The following WDR93 variants were observed in gnomAD, a reference collection of about 807,000 sequenced individuals.
WDR93 encodes the protein WD repeat-containing protein 93.
Under a neutral mutation model 82.9 loss-of-function variants are expected in WDR93, and 73 were observed. The ratio of observed to expected loss-of-function variants is 0.88; its 90% CI spans 0.73 to 1.07. The LOEUF (loss-of-function observed/expected upper bound fraction) is 1.07, where lower values mean the gene tolerates loss of function less well. Among genes scored for constraint, WDR93 ranks in the 50% least tolerant of loss-of-function variants. The probability of loss-of-function intolerance (pLI) is 0.00; values close to 1 mark genes in which losing one functional copy is unlikely to be tolerated. For synonymous variants in WDR93, 283 were observed against 300.1 expected, an observed-to-expected ratio of 0.94 and a Z score of 0.59; for missense variants, 738 against 826.0, an observed-to-expected ratio of 0.89 and a Z score of 1.31.
At position 89,710,029 on chromosome 15, in the gene WDR93, A is replaced by G. The variant is rs539924860; in HGVS notation, c.562-1997A>G. On this transcript the variant is annotated intron_variant, in intron 4 of 16. Coordinates refer to ENST00000268130, the MANE Select transcript of WDR93 (RefSeq NM_020212.2). ...CAAAAAATTAGCCGGGTGTGCTGGC[A>G]CGCGCCTGTAGTCCCAGCTACTTGG... 1.3e-4 allele frequency among the ~76,000 whole-genome samples: 20 copies of G among 152,078 alleles called. No homozygotes were observed. The South Asian group carries it at 1.9e-3, about 14-fold the overall frequency.
chr15:89,696,722 G>A (rs1014770599), intron 1 of WDR93, among the ~76,000 whole-genome samples: 3 of 152,064 alleles, frequency 2.0e-5, no homozygotes, highest in Admixed American at 1.3e-4. Flanking sequence ...CTTGAACTCC[G>A]GGGCTCAAGC....
intron 1 of WDR93, among the ~76,000 whole-genome samples, chr15:89,695,357 G>C (rs1396569244): frequency 2.6e-5 from 4 of 152,054 alleles, no homozygotes; most frequent in African/African-American, 7.3e-5. Context: ...TTTTAGAGAG[G>C]GAGTTTCGCT....
chr15:89,715,583 T>TTTTTTG (rs1266224170), intron 6 of WDR93, among the ~76,000 whole-genome samples: 2 of 152,088 alleles, frequency 1.3e-5, no homozygotes, highest in African/African-American at 4.8e-5. Flanking sequence ...CTTGTGCTGT[T>TTTTTTG]TTTTTGTTTT....
chr15:89,719,689 A>G (rs1408941722), intron 7 of WDR93: 2 of 149,818 alleles, frequency 1.3e-5, no homozygotes, highest in Non-Finnish European at 3.0e-5. Flanking sequence ...ATTTTTCCCT[A>G]TTGTTTTTCT....
At chr15:89,728,583 G>A (rs1329866597) in intron 9 of WDR93, among the ~76,000 whole-genome samples, 2 of 152,168 alleles carry the variant, frequency 1.3e-5, no homozygotes, top group South Asian at 2.1e-4. Context: ...TCCATTGTGG[G>A]AGCATTGACA....
At chr15:89,698,823 T>G (rs2141587906) in intron 1 of WDR93, among the ~76,000 whole-genome samples, 1 of 152,278 alleles carries the variant, frequency 6.6e-6, no homozygotes, top group Middle Eastern at 3.4e-3. Context: ...TTAATTTGCC[T>G]AATGCATCCA....
At chr15:89,713,469 CATTTT>C (rs1966093058) in intron 5 of WDR93, among the ~76,000 whole-genome samples, 1 of 125,266 alleles carries the variant, frequency 8.0e-6, no homozygotes, top group Non-Finnish European at 1.7e-5. Flanking sequence ...GGAACATATG[CATTTT>C]ATTTTGTTTT....
At chr15:89,713,191 T>C (rs1055944327) in intron 5 of WDR93, among the ~76,000 whole-genome samples, 6 of 150,420 alleles carry the variant, frequency 4.0e-5, no homozygotes, top group African/African-American at 9.8e-5. Flanking sequence ...TTTTTGGACA[T>C]GTGTTAAAAC....
chr15:89,717,474 T>A (rs901818364), intron 7 of WDR93, among the ~76,000 whole-genome samples: 4 of 152,226 alleles, frequency 2.6e-5, no homozygotes, highest in African/African-American at 7.2e-5. Flanking sequence ...TCATATCCAT[T>A]GAAGATGACC....
rs867145573 is a variant in WDR93, at chr15:89,735,513, C to T, written c.1568C>T (p.Thr523Ile). Reference protein sequence around the residue: ...VERPVKHLDKTICAVAPVPAL... With the variant: ...VERPVKHLDKIICAVAPVPAL... Reference sequence around the variant, plus strand: ...AGGCCTGTAAAGCACCTGGATAAAACCATCTGTGCCGTGGCCCCAGTCCCA... The same window carrying T: ...AGGCCTGTAAAGCACCTGGATAAAATCATCTGTGCCGTGGCCCCAGTCCCA... Residue 523 changes from threonine to isoleucine, a missense_variant, in exon 14 of 17, where the codon ACC (threonine) becomes ATC (isoleucine). Coordinates refer to ENST00000268130, the MANE Select transcript of WDR93 (RefSeq NM_020212.2). 6.2e-7 allele frequency: 1 copy of T among 1,614,038 alleles called. No individual in the cohort carries two copies. The highest frequency in any genetic ancestry group is 2.2e-5 in the East Asian group (1 of 44,894).
At chr15:89,740,762 A>C (rs1237983016) in intron 16 of WDR93, among the ~76,000 whole-genome samples, 1 of 152,038 alleles carries the variant, frequency 6.6e-6, no homozygotes, top group Non-Finnish European at 1.5e-5. Context: ...TCGGCCTGCC[A>C]AAGTGGTGGG....
At chr15:89,707,304 G>C (rs1965764459) in intron 4 of WDR93, among the ~76,000 whole-genome samples, 1 of 152,204 alleles carries the variant, frequency 6.6e-6, no homozygotes, top group African/African-American at 2.4e-5. Context: ...TGTAATCCCA[G>C]CCCTTTGGGA....
intron 3 of WDR93, chr15:89,704,706 G>C (rs1221923753): frequency 3.3e-5 from 5 of 152,202 alleles, no homozygotes; most frequent in African/African-American, 1.2e-4. Context: ...GGCATCTAGG[G>C]ATATCTCTGT....
At chr15:89,698,313 T>C (rs1203254953) in intron 1 of WDR93, among the ~76,000 whole-genome samples, 1 of 152,214 alleles carries the variant, frequency 6.6e-6, no homozygotes, top group Non-Finnish European at 1.5e-5. Context: ...ATACCTTTGT[T>C]CACCCTTTTA....
chr15:89,736,808 T>C (rs1421072846), intron 14 of WDR93, among the ~76,000 whole-genome samples: 3 of 150,372 alleles, frequency 2.0e-5, no homozygotes, highest in Middle Eastern at 3.2e-3. Flanking sequence ...TTTTTTTTTT[T>C]TGAAACGGAG....
chr15:89,701,984 G>T lies in WDR93; in HGVS notation c.238G>T (p.Ala80Ser). 1 of 1,613,508 alleles carries T rather than the reference G, an allele frequency of 6.2e-7. No homozygotes were observed. Among genetic ancestry groups the T allele is most frequent in the Non-Finnish European group, 8.5e-7 (1 of 1,180,026 alleles). Residue 80 changes from alanine (A) to serine (S), a missense_variant, in exon 2 of 17, where the codon GCA (alanine) becomes TCA (serine). Physicochemically the swap from Ala to Ser is moderately conservative, Grantham distance 99. Coordinates refer to ENST00000268130, the MANE Select transcript of WDR93 (RefSeq NM_020212.2). ...QSWEIIEERNALREAESSQIQ... is the reference protein window; with the variant it reads ...QSWEIIEERNSLREAESSQIQ... ...TTGGGAAATTATTGAAGAGAGAAAC[G>T]CACTGAGGGAAGCTGAGAGCAGCCA...
chr15:89,702,682 G>A (rs142342272), intron 2 of WDR93, among the ~76,000 whole-genome samples: 224 of 152,104 alleles, frequency 1.5e-3, no homozygotes, highest in Admixed American at 2.8e-3. Flanking sequence ...GGGATTACAG[G>A]GATATGCCAC....
At position 89,743,511 on chromosome 15, in the gene WDR93, T is replaced by C. The variant is rs1034293616; in HGVS notation, c.*120T>C. 3 of 890,930 alleles carry C rather than the reference T, an allele frequency of 3.4e-6. No homozygotes were observed. The highest frequency in any genetic ancestry group is 5.2e-6 in the Non-Finnish European group (3 of 576,986). The allele number at this position is 890,930 out of a possible 1,614,324, so 55.2% of individuals were successfully genotyped here. A position where few individuals can be genotyped will look rare whatever the true frequency, so the allele number is the denominator to read the frequency against. On this transcript the variant is annotated 3_prime_UTR_variant, in exon 17 of 17. Transcript: ENST00000268130. ...CAGCTCCACAGGCCTGCACTCGGAGTCTGGGGCCTCTGCAGAGCCAGCAAG... is the reference window on the plus strand; with the variant it reads ...CAGCTCCACAGGCCTGCACTCGGAGCCTGGGGCCTCTGCAGAGCCAGCAAG...
chr15:89,738,626 C>CAAAA (rs34617270), intron 16 of WDR93, among the ~76,000 whole-genome samples: 3 of 81,466 alleles, frequency 3.7e-5, no homozygotes, highest in African/African-American at 9.2e-5. Flanking sequence ...GACTCTGTCC[C>CAAAA]AAAAAAAAAA....
Sources: allele counts gnomAD v4.1 joint callset (sites outside exome capture counted in the v4.1 genomes callset), GRCh38; gene constraint gnomAD v4.1.1; transcripts MANE v1.5; gene names NCBI Gene and HGNC (gene_info 2026-07-23, HGNC 2026-07-21).